Variants in RPN2 observed in about 807,000 individuals in gnomAD.
RPN2 encodes ribophorin II.
RPN2 carries 29 observed loss-of-function variants against 71.4 expected under a neutral mutation model. The ratio of observed to expected loss-of-function variants is 0.41; its 90% CI spans 0.30 to 0.55. The LOEUF (loss-of-function observed/expected upper bound fraction) is 0.55. RPN2 is among the 20% of genes least tolerant of loss of function. The pLI is 0.35. For missense variants in RPN2, 726 were observed against 774.1 expected (o/e 0.94, Z 0.74); for synonymous variants, 308 against 305.0 (o/e 1.01, Z -0.10).
intron 2 of RPN2, among the ~76,000 whole-genome samples, chr20:37,186,335 T>G (rs2067009257): frequency 6.6e-6 from 1 of 152,224 alleles, no homozygotes; most frequent in African/African-American, 2.4e-5. Context: ...GTCTTTAGAA[T>G]TCTGCCTACC....
intron 10 of RPN2, among the ~76,000 whole-genome samples, chr20:37,224,620 A>G (rs963887883): frequency 2.0e-5 from 3 of 152,190 alleles, no homozygotes; most frequent in African/African-American, 7.2e-5. Flanking sequence ...GACACTAACA[A>G]TTGAACAGAG....
intron 9 of RPN2, among the ~76,000 whole-genome samples, chr20:37,216,801 C>T (rs1439820911): frequency 6.6e-6 from 1 of 152,164 alleles, no homozygotes; most frequent in Non-Finnish European, 1.5e-5. Flanking sequence ...TGTTTTCCCC[C>T]TTATATTTAA....
In RPN2 at chr20:37,222,242, C is replaced by T. The variant is rs1471051099; in HGVS notation, c.1093-1636C>T. ...GTGTCTATTCAACCTGATGGGCCAT[C>T]GTCCCTCCTCCTCCACTGCCATAAT... is the stretch of plus-strand genomic sequence containing the variant. On this transcript the variant is annotated intron_variant, in intron 9 of 16. Transcript: ENST00000237530. 4.6e-5 allele frequency among the ~76,000 whole-genome samples: 7 copies of T among 152,278 alleles called. No homozygotes were observed. In the East Asian group the frequency reaches 1.2e-3, roughly 25 times the overall value.
chr20:37,219,874 A>G (rs1355486855), intron 9 of RPN2, among the ~76,000 whole-genome samples: 1 of 152,196 alleles, frequency 6.6e-6, no homozygotes, highest in Non-Finnish European at 1.5e-5. Flanking sequence ...CAATAAATGT[A>G]AGGGTTGATT....
chr20:37,188,798 T>A (rs73094994), intron 2 of RPN2, among the ~76,000 whole-genome samples: 29,034 of 150,892 alleles, frequency 0.19, 3,080 homozygotes, highest in Middle Eastern at 0.34. Context: ...TTTTTTTTTT[T>A]AATATTTGTA....
rs373688805 is a variant in RPN2 at position 37,207,370 on chromosome 20, C to T, written c.788C>T (p.Ser263Leu). ...GTGGCCTCTGCAGCTGCTGTGCTCT[C>T]GCATAATCGCTACCACGTGCCAGTT... ...FSVASAAAVL[S>L]HNRYHVPVVV... The change falls in exon 7 of 17, where the codon TCG becomes TTG. Residue 263 changes from serine to leucine, a missense_variant. Transcript: ENST00000237530. 37 of 1,613,974 alleles carry T rather than the reference C, an allele frequency of 2.3e-5. No homozygotes were observed. In the Admixed American group the frequency reaches 2.3e-4, roughly 10 times the overall value.
At chr20:37,234,237 A>G (rs1305761139) in intron 15 of RPN2, 142 bp downstream of exon 15, 1 of 843,588 alleles carries the variant, frequency 1.2e-6, no homozygotes. Flanking sequence ...CTGGCCTTTT[A>G]GGACAGTTAA....
intron 2 of RPN2, among the ~76,000 whole-genome samples, chr20:37,196,128 C>T (rs1422785723): frequency 2.0e-5 from 3 of 149,332 alleles, no homozygotes; most frequent in Non-Finnish European, 3.0e-5. Context: ...GGCACGATCT[C>T]GGCTCACTGC....
At chr20:37,194,554 G>T (rs1400090813) in intron 2 of RPN2, among the ~76,000 whole-genome samples, 1 of 152,216 alleles carries the variant, frequency 6.6e-6, no homozygotes, top group Non-Finnish European at 1.5e-5. Flanking sequence ...GAGCCATCAC[G>T]CCCAGCCAGG....
chr20:37,219,213 G>A (rs554310599), intron 9 of RPN2, among the ~76,000 whole-genome samples: 70 of 152,270 alleles, frequency 4.6e-4, no homozygotes, highest in African/African-American at 1.6e-3. Flanking sequence ...TTTCGCCATC[G>A]TAGTGGGTAT....
At chr20:37,187,734 G>A (rs974957691) in intron 2 of RPN2, among the ~76,000 whole-genome samples, 5 of 151,736 alleles carry the variant, frequency 3.3e-5, no homozygotes, top group African/African-American at 4.8e-5. Context: ...TCTGCCTCCC[G>A]GGTTCAAGTG....
intron 2 of RPN2, 50 bp from the exon 3 acceptor site, chr20:37,198,347 G>C (rs745714706): frequency 6.2e-7 from 1 of 1,613,924 alleles, no homozygotes; most frequent in Non-Finnish European, 8.5e-7. Context: ...TGCTTTTCCT[G>C]GTTCACTACA....
chr20:37,213,625 G>A, intron 8 of RPN2, 135 bp from the exon 9 acceptor site: 1 of 719,788 alleles, frequency 1.4e-6, no homozygotes, highest in Non-Finnish European at 2.5e-6. Flanking sequence ...GATTGCCCAA[G>A]TGGGGTGGGA....
intron 9 of RPN2, among the ~76,000 whole-genome samples, chr20:37,221,123 C>G (rs6094131): frequency 6.6e-6 from 1 of 151,590 alleles, no homozygotes; most frequent in African/African-American, 2.4e-5. Context: ...AGCCAGGATT[C>G]TAAGTGAAAA....
At position 37,207,525 on chromosome 20, in the gene RPN2, G is replaced by A. The variant is rs918134841; in HGVS notation, c.867+76G>A. 9 of 1,396,404 alleles carry A rather than the reference G, an allele frequency of 6.4e-6. No individual in the cohort carries two copies. The African/African-American group carries it at 1.1e-4, about 18-fold the overall frequency. The allele number at this position is 1,396,404 out of a possible 1,614,324, so 86.5% of individuals were successfully genotyped here. On this transcript the variant is annotated intron_variant, in intron 7 of 16. Coordinates refer to ENST00000237530, the MANE Select transcript of RPN2 (RefSeq NM_002951.5). ...AAGGCTTTCAGAAATCTGGACTATG[G>A]TCACAGCCAATTACAGCCCCTACAA...
At chr20:37,208,589 C>CT (rs2067578436) in intron 7 of RPN2, among the ~76,000 whole-genome samples, 1 of 152,154 alleles carries the variant, frequency 6.6e-6, no homozygotes, top group Non-Finnish European at 1.5e-5. Flanking sequence ...GATCAGTTCT[C>CT]TTTTTCCCTG....
intron 2 of RPN2, among the ~76,000 whole-genome samples, chr20:37,184,574 CG>C (rs2066964862): frequency 6.6e-6 from 1 of 152,174 alleles, no homozygotes; most frequent in Non-Finnish European, 1.5e-5. Context: ...AGGTGGATCA[CG>C]AGGTCAGGAG....
intron 2 of RPN2, among the ~76,000 whole-genome samples, chr20:37,192,794 T>A (rs2067171757): frequency 6.6e-6 from 1 of 152,156 alleles, no homozygotes; most frequent in African/African-American, 2.4e-5. Flanking sequence ...GGACTTTGAT[T>A]TGCCAGGAAA....
In RPN2 at chr20:37,203,891, C is replaced by G; in HGVS notation, c.486C>G (p.Val162=). The stretch of plus-strand genomic sequence containing the variant: ...TCTACTCTTTACCTTCCAGAACAGT[C>G]CAGGCTCTGCAGACAGCATCCCACC... ...LSKEETVLAT[V]QALQTASHLS... Residue 162 remains valine (V), a synonymous_variant, in exon 5 of 17, where the codon GTC becomes GTG. Transcript: ENST00000237530. 5.0e-6 allele frequency: 8 copies of G among 1,613,290 alleles called. No individual in the cohort carries two copies. Among genetic ancestry groups the G allele is most frequent in the Non-Finnish European group, 5.9e-6 (7 of 1,179,174 alleles).
Sources: allele counts gnomAD v4.1 joint callset (sites outside exome capture counted in the v4.1 genomes callset), GRCh38; gene constraint gnomAD v4.1.1; transcripts MANE v1.5; gene names NCBI Gene and HGNC (gene_info 2026-07-23, HGNC 2026-07-21).